The following DPP4 variants were observed in gnomAD, a reference collection of about 807,000 sequenced individuals.
The protein encoded by DPP4 is dipeptidyl peptidase 4.
DPP4 carries 93 observed loss-of-function variants against 122.4 expected under a neutral mutation model. That is an observed-to-expected ratio of 0.76 (90% confidence interval 0.64 to 0.90). The LOEUF (loss-of-function observed/expected upper bound fraction) is 0.90, where lower values mean the gene tolerates loss of function less well. DPP4 is among the 40% of genes least tolerant of loss of function. DPP4 has a pLI of 0.00. For synonymous variants in DPP4, 321 were observed against 302.9 expected, an observed-to-expected ratio of 1.06 and a Z score of -0.62; for missense variants, 914 against 907.3, an observed-to-expected ratio of 1.01 and a Z score of -0.09.
intron 19 of DPP4, 96 bp from the exon 20 acceptor site, chr2:162,012,083 C>T: frequency 1.6e-6 from 2 of 1,265,654 alleles, no homozygotes; most frequent in Non-Finnish European, 2.2e-6. Context: ...ATGCATCCTT[C>T]CCAATCATGA....
chr2:162,024,855 G>A lies in DPP4; in HGVS notation c.972C>T (p.Val324=). 1 of 1,613,872 alleles carries A rather than the reference G, an allele frequency of 6.2e-7. No homozygotes were observed. The highest frequency in any genetic ancestry group is 8.5e-7 in the Non-Finnish European group (1 of 1,180,016). ...ATTCATCATAGTCACAAATATCCAT[G>A]ACCGAATAGTTCTGAATCCTCCTGA... ...QWLRRIQNYS[V]MDICDYDESS... The change falls in exon 11 of 26, where the codon GTC becomes GTT. Residue 324 remains valine (V), a synonymous_variant. Coordinates refer to ENST00000360534, the MANE Select transcript of DPP4 (RefSeq NM_001935.4).
intron 2 of DPP4, among the ~76,000 whole-genome samples, chr2:162,052,590 T>C (rs1422946837): frequency 6.6e-6 from 1 of 151,868 alleles, no homozygotes; most frequent in African/African-American, 2.4e-5. Context: ...TAGAAAGAAA[T>C]TGGTACCAGA....
At chr2:162,028,639 T>C (rs1028849398) in intron 10 of DPP4, among the ~76,000 whole-genome samples, 1 of 152,236 alleles carries the variant, frequency 6.6e-6, no homozygotes, top group Non-Finnish European at 1.5e-5. Context: ...TTCTACCTTC[T>C]GCAGCTGGAT....
chr2:162,013,643 C>T (rs747966628), intron 19 of DPP4, among the ~76,000 whole-genome samples: 1 of 151,982 alleles, frequency 6.6e-6, no homozygotes, highest in Admixed American at 6.6e-5. Context: ...TAAAATAAGG[C>T]AAATGATGCC....
At chr2:162,033,700 T>G in intron 9 of DPP4, 47 bp from the exon 10 acceptor site, 3 of 1,245,546 alleles carry the variant, frequency 2.4e-6, no homozygotes, top group African/African-American at 3.1e-5. Context: ...AAAAAAAAAG[T>G]AACATCGTTG....
chr2:162,062,104 A>G (rs1291169517), intron 2 of DPP4, among the ~76,000 whole-genome samples: 1 of 150,212 alleles, frequency 6.7e-6, no homozygotes. Context: ...CCCTGTCTCT[A>G]CTAAAAATAC....
At chr2:162,052,031 G>A (rs1278734203) in intron 2 of DPP4, among the ~76,000 whole-genome samples, 1 of 152,042 alleles carries the variant, frequency 6.6e-6, no homozygotes, top group Non-Finnish European at 1.5e-5. Context: ...TAAAAGGGCT[G>A]GAGGGAGGCC....
At chr2:162,047,082 C>A in intron 3 of DPP4, 76 bp from the exon 4 acceptor site, 1 of 786,424 alleles carries the variant, frequency 1.3e-6, no homozygotes, top group South Asian at 1.7e-5. Flanking sequence ...TTACAGAATA[C>A]AGTTTAAGCT....
intron 2 of DPP4, among the ~76,000 whole-genome samples, chr2:162,066,448 G>A (rs562673642): frequency 6.6e-6 from 1 of 152,186 alleles, no homozygotes; most frequent in East Asian, 1.9e-4. Context: ...CTTGGAATAA[G>A]AGAGAAACTC....
chr2:162,024,559 T>C (rs182338185), intron 11 of DPP4, among the ~76,000 whole-genome samples: 1 of 152,264 alleles, frequency 6.6e-6, no homozygotes, highest in Non-Finnish European at 1.5e-5. Context: ...CCTCTCCACT[T>C]CCCAAGTGAT....
At position 162,033,606 on chromosome 2, in the gene DPP4, G is replaced by A. The variant is rs746041843; in HGVS notation, c.822C>T (p.Asp274=). The A allele has an allele frequency of 6.2e-7, 1 of 1,612,548 alleles. No homozygotes were observed. Among genetic ancestry groups the A allele is most frequent in the Non-Finnish European group, 8.5e-7 (1 of 1,179,364 alleles). The change falls in exon 10 of 26, where the codon GAC becomes GAT. Residue 274 remains aspartate, a synonymous_variant. Coordinates refer to ENST00000360534, the MANE Select transcript of DPP4 (RefSeq NM_001935.4). ...TTGCATTGGTGACTGAGCTGAGAGAGTCTGTATTTACAACAAAGAACTTTA... is the reference window on the plus strand; with the variant it reads ...TTGCATTGGTGACTGAGCTGAGAGAATCTGTATTTACAACAAAGAACTTTA... ...PTVKFFVVNT[D]SLSSVTNATS...
At chr2:162,039,283 T>C (rs1683904793) in intron 5 of DPP4, 99 bp from the exon 6 acceptor site, 1 of 997,860 alleles carries the variant, frequency 1.0e-6, no homozygotes, top group Admixed American at 2.2e-5. Flanking sequence ...TATATGATTG[T>C]ATAATTCTCA....
chr2:162,060,260 T>C (rs190328300), intron 2 of DPP4, among the ~76,000 whole-genome samples: 1 of 152,338 alleles, frequency 6.6e-6, no homozygotes, highest in Admixed American at 6.5e-5. Context: ...GTTGGTAGTA[T>C]CCTTAGGACT....
At chr2:161,996,897 TA>T (rs1419521507) in intron 23 of DPP4, among the ~76,000 whole-genome samples, 18 of 152,206 alleles carry the variant, frequency 1.2e-4, no homozygotes, top group Admixed American at 1.2e-3. Context: ...GTATTCACCT[TA>T]AACAAGGGTG....
intron 18 of DPP4, among the ~76,000 whole-genome samples, chr2:162,015,384 C>G (rs1682871681): frequency 6.6e-6 from 1 of 152,138 alleles, no homozygotes; most frequent in Non-Finnish European, 1.5e-5. Context: ...GTTATGCCTT[C>G]TGATTAAATG....
intron 3 of DPP4, 22 bp downstream of exon 3, chr2:162,047,381 C>T (rs775110254): frequency 2.4e-5 from 34 of 1,431,644 alleles, no homozygotes; most frequent in Non-Finnish European, 3.3e-5. Flanking sequence ...ATAAAATCTG[C>T]CCTACCCCAA....
At chr2:162,010,588 G>T (rs990520499) in intron 20 of DPP4, among the ~76,000 whole-genome samples, 1 of 152,014 alleles carries the variant, frequency 6.6e-6, no homozygotes, top group South Asian at 2.1e-4. Context: ...TGTAATTTTA[G>T]GACTTTTGTT....
In DPP4 at chr2:162,063,413, GTCA is replaced by G. The variant is rs953737414; in HGVS notation, c.94+9983_94+9985del. 7.4e-4 allele frequency among the ~76,000 whole-genome samples: 113 copies of G among 152,220 alleles called. 1 individual carries two copies. Among genetic ancestry groups the G allele is most frequent in the African/African-American group, 2.5e-3 (104 of 41,526 alleles). On this transcript the variant is annotated intron_variant, in intron 2 of 25. Coordinates refer to ENST00000360534, the MANE Select transcript of DPP4 (RefSeq NM_001935.4). ...ATTTGAGGCCATGGGAGTGGATGAG[GTCA>G]TCTAAGGTGAAAAAGGAAAAGGTCT...
At chr2:162,043,275 C>T (rs1242779390) in intron 5 of DPP4, among the ~76,000 whole-genome samples, 1 of 152,168 alleles carries the variant, frequency 6.6e-6, no homozygotes, top group African/African-American at 2.4e-5. Flanking sequence ...GAGATGTGTT[C>T]AGCCGGGCAG....
Sources: gnomAD v4.1 joint callset for allele counts (sites outside exome capture counted in the v4.1 genomes callset) on GRCh38, gnomAD v4.1.1 for gene constraint, MANE v1.5 for transcripts, NCBI Gene and HGNC (gene_info 2026-07-23, HGNC 2026-07-21) for gene names.